PDZD2: variants seen among roughly 807,000 people sequenced by gnomAD.
PDZD2 encodes PDZ domain containing 2.
Under a neutral mutation model 220.7 loss-of-function variants are expected in PDZD2, and 90 were observed. The ratio of observed to expected loss-of-function variants is 0.41; its 90% CI spans 0.34 to 0.49. The LOEUF is 0.49. Among genes scored for constraint, PDZD2 ranks in the 20% least tolerant of loss-of-function variants. The pLI, the probability that PDZD2 is intolerant of heterozygous loss-of-function variation, is 0.28. For missense variants in PDZD2, 3,174 were observed against 3,608.5 expected, an observed-to-expected ratio of 0.88 and a Z score of 3.08; for synonymous variants, 1,375 against 1,450.5, an observed-to-expected ratio of 0.95 and a Z score of 1.18.
At chr5:32,069,427 C>T in intron 14 of PDZD2, 142 bp from the exon 15 acceptor site, 1 of 622,446 alleles carries the variant, frequency 1.6e-6, no homozygotes, top group Non-Finnish European at 2.9e-6. Context: ...CTCTGAGTTA[C>T]AGCTTCGGAG....
intron 2 of PDZD2, among the ~76,000 whole-genome samples, chr5:31,910,383 G>T (rs1161445776): frequency 6.8e-6 from 1 of 146,170 alleles, no homozygotes; most frequent in Non-Finnish European, 1.5e-5. Flanking sequence ...ACCATGCCTG[G>T]CTAATTTTTA....
At chr5:31,717,298 T>C (rs942408047) in intron 1 of PDZD2, among the ~76,000 whole-genome samples, 2 of 152,154 alleles carry the variant, frequency 1.3e-5, no homozygotes, top group African/African-American at 4.8e-5. Flanking sequence ...TGCTTCAAAC[T>C]TGTGACTGGA....
intron 14 of PDZD2, among the ~76,000 whole-genome samples, chr5:32,067,768 C>G (rs879282688): frequency 1.6e-4 from 25 of 151,914 alleles, no homozygotes; most frequent in Non-Finnish European, 3.5e-4. Flanking sequence ...AAAAATCTTC[C>G]CATGAATAAT....
At chr5:31,688,892 C>T (rs1200873726) in intron 1 of PDZD2, among the ~76,000 whole-genome samples, 1 of 152,164 alleles carries the variant, frequency 6.6e-6, no homozygotes, top group Non-Finnish European at 1.5e-5. Flanking sequence ...CCAGGCTCCC[C>T]TGGGGGTAAT....
intron 6 of PDZD2, among the ~76,000 whole-genome samples, chr5:32,020,477 G>A (rs564231826): frequency 7.2e-5 from 11 of 152,210 alleles, no homozygotes; most frequent in African/African-American, 2.4e-4. Context: ...TATGAGCTTC[G>A]CTGAGCCTCT....
Position 32,043,010 on chromosome 5 carries a change from G to T in PDZD2, c.1520-5529G>T, listed in dbSNP as rs572753362. 2.0e-5 allele frequency among the ~76,000 whole-genome samples: 3 copies of T among 152,286 alleles called. No homozygotes were observed. In the East Asian group the frequency reaches 5.8e-4, roughly 29 times the overall value. ...CCAAAGGTCACTCAGTCAATGCCGGGAAAAAGATCTGCCTCCCAGACAGAA... is the reference window on the plus strand; with the variant it reads ...CCAAAGGTCACTCAGTCAATGCCGGTAAAAAGATCTGCCTCCCAGACAGAA... On this transcript the variant is annotated intron_variant, in intron 7 of 24. Transcript: ENST00000438447.
intron 6 of PDZD2, among the ~76,000 whole-genome samples, chr5:32,025,381 C>T (rs1263790848): frequency 9.9e-5 from 15 of 151,584 alleles, no homozygotes; most frequent in African/African-American, 1.5e-4. Flanking sequence ...CAAAATTAGC[C>T]GAGCGTGGTG....
chr5:31,810,830 A>G (rs970342006), intron 2 of PDZD2, among the ~76,000 whole-genome samples: 9 of 152,252 alleles, frequency 5.9e-5, no homozygotes, highest in Admixed American at 2.6e-4. Flanking sequence ...ACCCAAATAT[A>G]TAACTCTTGT....
intron 3 of PDZD2, among the ~76,000 whole-genome samples, chr5:31,988,004 C>A (rs973554914): frequency 1.3e-5 from 2 of 152,186 alleles, no homozygotes; most frequent in Non-Finnish European, 2.9e-5. Flanking sequence ...CAGGTCAGGG[C>A]TAGGCTGCTT....
At chr5:31,772,509 G>A (rs1752396685) in intron 1 of PDZD2, among the ~76,000 whole-genome samples, 1 of 152,128 alleles carries the variant, frequency 6.6e-6, no homozygotes, top group East Asian at 1.9e-4. Flanking sequence ...AAGTAAAATT[G>A]CCTTCCTGAG....
intron 2 of PDZD2, among the ~76,000 whole-genome samples, chr5:31,836,579 C>T (rs547449441): frequency 2.7e-4 from 41 of 152,178 alleles, no homozygotes; most frequent in African/African-American, 9.4e-4. Flanking sequence ...ATGTCCCCAA[C>T]TTGATCTAAA....
At position 32,109,025 on chromosome 5, in the gene PDZD2, G is replaced by A. The variant is rs1282983172; in HGVS notation, c.*890G>A. The stretch of plus-strand genomic sequence containing the variant: ...TTCAAGACTGGTCAGTCCAAGAGCA[G>A]ACAAAAATATCACAAGTCAGTCAGT... On this transcript the variant is annotated 3_prime_UTR_variant, in exon 25 of 25. Transcript: ENST00000438447. 1 of 127,988 alleles carries A rather than the reference G, an allele frequency of 7.8e-6. No individual in the cohort carries two copies. The highest frequency in any genetic ancestry group is 1.8e-5 in the Non-Finnish European group (1 of 56,614). 7.9% of individuals were successfully genotyped at this position (127,988 alleles called of 1,614,324 possible). A position where few individuals can be genotyped will look rare whatever the true frequency, so the allele number is the denominator to read the frequency against.
rs745430355 is a variant in PDZD2, at chr5:32,084,948, C to CTTTTT, written c.3683-2161_3683-2157dup. On this transcript the variant is annotated intron_variant, in intron 19 of 24. Transcript: ENST00000438447. ...TGCTTCTCTGCTTTCATTCTGTTGC[C>CTTTTT]TTTTTTTTTTTTTTTTTTTTTTTTT... Among the ~76,000 whole-genome samples the CTTTTT allele has an allele frequency of 3.3e-4, 31 of 94,492 alleles. 4 individuals carry two copies. The highest frequency in any genetic ancestry group is 5.8e-4 in the Non-Finnish European group (29 of 50,128). The allele number at this position is 94,492 out of a possible 152,430, so 62.0% of individuals were successfully genotyped here.
chr5:32,041,284 G>A (rs1435740366), intron 7 of PDZD2, among the ~76,000 whole-genome samples: 1 of 152,032 alleles, frequency 6.6e-6, no homozygotes, highest in Non-Finnish European at 1.5e-5. Context: ...GCCCCGTCTG[G>A]GAAGTGAGGA....
At chr5:31,765,891 A>G (rs1337199746) in intron 1 of PDZD2, among the ~76,000 whole-genome samples, 1 of 152,058 alleles carries the variant, frequency 6.6e-6, no homozygotes, top group Non-Finnish European at 1.5e-5. Flanking sequence ...AGATTCTGAG[A>G]CCAGGCGTGG....
chr5:31,841,366 T>C lies in PDZD2; in HGVS notation c.476+41642T>C, dbSNP rs558080627. 4.6e-5 allele frequency among the ~76,000 whole-genome samples: 7 copies of C among 152,212 alleles called. 1 individual carries two copies. The highest frequency in any genetic ancestry group is 1.7e-4 in the African/African-American group (7 of 41,534). On this transcript the variant is annotated intron_variant, in intron 2 of 24. Transcript: ENST00000438447. ...CCCACTAAGCCAGGCTTTCCCTAAC[T>C]GTAAAATGGAATTAAGAACAATACT...
intron 5 of PDZD2, among the ~76,000 whole-genome samples, chr5:32,003,323 A>ACACACCCCCCAC (rs1752478143): frequency 3.6e-5 from 1 of 27,588 alleles, no homozygotes; most frequent in Non-Finnish European, 7.9e-5. Flanking sequence ...CACCCCACAC[A>ACACACCCCCCAC]CACACCCCCA....
At chr5:31,758,687 A>G (rs565127573) in intron 1 of PDZD2, among the ~76,000 whole-genome samples, 3 of 152,248 alleles carry the variant, frequency 2.0e-5, no homozygotes, top group African/African-American at 7.2e-5. Flanking sequence ...GTTCCTTGGA[A>G]GAGTCCTCCT....
rs766119830 is a variant in PDZD2, at chr5:32,088,285, A to G, written c.4837A>G (p.Ser1613Gly). 32 of 1,613,974 alleles carry G rather than the reference A, an allele frequency of 2.0e-5. No homozygotes were observed. The highest frequency in any genetic ancestry group is 2.5e-5 in the Non-Finnish European group (29 of 1,180,024). ...ACGTGGCTGCCCCAATCCACCCTCG[A>G]GTCCTGCTCATCTTCCCACCCAGGC... ...STRGCPNPPS[S>G]PAHLPTQAAI... The change falls in exon 20 of 25, where the codon AGT becomes GGT. Residue 1613 changes from serine to glycine, a missense_variant. Coordinates refer to ENST00000438447, the MANE Select transcript of PDZD2 (RefSeq NM_178140.4). This position sits in a 1 kb window ranked among gnomAD's most constrained non-coding sequence, Gnocchi z 4.6.
Sources: gnomAD v4.1 joint callset for allele counts (sites outside exome capture counted in the v4.1 genomes callset) on GRCh38, gnomAD v4.1.1 for gene constraint, Gnocchi (gnomAD v3.1) non-coding constraint, MANE v1.5 for transcripts, NCBI Gene and HGNC (gene_info 2026-07-23, HGNC 2026-07-21) for gene names.